The following DUSP16 variants were observed in gnomAD, a reference collection of about 807,000 sequenced individuals.
DUSP16 encodes dual specificity phosphatase 16.
In DUSP16, 21 loss-of-function variants were observed where a neutral mutation model predicts 58.3. The observed-to-expected ratio is 0.36, with a 90% CI of 0.26 to 0.52. The LOEUF (loss-of-function observed/expected upper bound fraction) is 0.52, where lower values mean the gene tolerates loss of function less well. Ranked by LOEUF, DUSP16 falls within the 20% of genes least tolerant of loss-of-function variation. The pLI is 0.94. For synonymous variants in DUSP16, 320 were observed against 323.8 expected, an observed-to-expected ratio of 0.99 and a Z score of 0.12; for missense variants, 726 against 819.0, an observed-to-expected ratio of 0.89 and a Z score of 1.39.
Position 12,500,667 on chromosome 12 carries a change from A to G in DUSP16, c.383T>C (p.Phe128Ser). The change falls in exon 4 of 7, where the codon TTC becomes TCC. Residue 128 changes from phenylalanine to serine, a missense_variant. Transcript: ENST00000298573. ...ACAGAGGCCAGGGAAACAACGAGAG[A>G]ACTCAGCAAACCCACCTAAGAATAA... Reference protein sequence around the residue: ...VHLLAGGFAEFSRCFPGLCEG... With the variant: ...VHLLAGGFAESSRCFPGLCEG... 1 of 1,590,008 alleles carries G rather than the reference A, an allele frequency of 6.3e-7. No homozygotes were observed. Among genetic ancestry groups the G allele is most frequent in the Non-Finnish European group, 8.5e-7 (1 of 1,171,602 alleles).
intron 1 of DUSP16, among the ~76,000 whole-genome samples, chr12:12,526,036 T>C (rs961430249): frequency 2.6e-5 from 4 of 152,196 alleles, no homozygotes; most frequent in Non-Finnish European, 5.9e-5. Flanking sequence ...CTGGTAACCT[T>C]AATCAGGGCT....
intron 4 of DUSP16, among the ~76,000 whole-genome samples, chr12:12,491,838 C>T (rs1854147355): frequency 6.6e-6 from 1 of 152,158 alleles, no homozygotes; most frequent in African/African-American, 2.4e-5. Flanking sequence ...CACTTTCCAG[C>T]TCACTCAAGA....
In DUSP16 at chr12:12,477,208, C is replaced by T. The variant is rs143261305; in HGVS notation, c.1623G>A (p.Ser541=). The change falls in exon 7 of 7, where the codon TCG becomes TCA. Residue 541 remains serine, a synonymous_variant. Coordinates refer to ENST00000298573, the MANE Select transcript of DUSP16 (RefSeq NM_030640.3). The surrounding 1 kb of genome is among the most constrained non-coding windows in gnomAD (Gnocchi z 4.1). ...TAGAGGTCTGGGGGGCCAAGATATC[C>T]GAGTGCCAGCCCTTAAGGCCCAGGC... The part of the protein sequence containing the change: ...SAGLGLKGWH[S]DILAPQTSTP... 1.7e-5 allele frequency: 28 copies of T among 1,614,168 alleles called. No individual in the cohort carries two copies. Among genetic ancestry groups the T allele is most frequent in the African/African-American group, 2.7e-5 (2 of 75,048 alleles).
intron 1 of DUSP16, among the ~76,000 whole-genome samples, chr12:12,541,278 G>A (rs1944556567): frequency 6.6e-6 from 1 of 151,880 alleles, no homozygotes; most frequent in Non-Finnish European, 1.5e-5. Flanking sequence ...TTCTCACTGT[G>A]GCACTGATTT....
rs1293549732 is a variant in DUSP16 at position 12,562,576 on chromosome 12, G to C, written c.-825C>G. On this transcript the variant is annotated 5_prime_UTR_variant, in exon 1 of 7. Transcript: ENST00000298573. ...GGGGGAAAGGCGGGGGGGTGGGGTG[G>C]GGGGTTGGGGGAAAGAGAAAGAGTC... Among the ~76,000 whole-genome samples the C allele has an allele frequency of 6.7e-6, 1 of 149,328 alleles. No individual in the cohort carries two copies. The highest frequency in any genetic ancestry group is 2.4e-5 in the African/African-American group (1 of 40,858).
At chr12:12,478,435 C>T (rs1269049401) in intron 6 of DUSP16, among the ~76,000 whole-genome samples, 1 of 152,028 alleles carries the variant, frequency 6.6e-6, no homozygotes, top group Non-Finnish European at 1.5e-5. Flanking sequence ...TGGGCACGTG[C>T]AGTCCTCCCA....
chr12:12,518,158 CA>C (rs1406515173), intron 3 of DUSP16, among the ~76,000 whole-genome samples: 2 of 152,204 alleles, frequency 1.3e-5, no homozygotes, highest in Non-Finnish European at 2.9e-5. Context: ...AAAAGTAACT[CA>C]AACAAGAACA....
rs1944915961 is a variant in DUSP16 at position 12,562,241 on chromosome 12, G to GCTCC, written c.-494_-491dup. 6.6e-6 allele frequency: 1 copy of GCTCC among 150,664 alleles called. No homozygotes were observed. Among genetic ancestry groups the GCTCC allele is most frequent in the Non-Finnish European group, 1.5e-5 (1 of 67,644 alleles). 9.3% of individuals were successfully genotyped at this position (150,664 alleles called of 1,614,324 possible). On this transcript the variant is annotated 5_prime_UTR_variant, in exon 1 of 7. Transcript: ENST00000298573. ...GCCGCGGAGCCGAGAGGGCGGCTGC[G>GCTCC]CTCCCGCTCGCGTCCCGTCCCGTCG...
At chr12:12,500,927 G>T (rs1018393831) in intron 3 of DUSP16, among the ~76,000 whole-genome samples, 2 of 152,132 alleles carry the variant, frequency 1.3e-5, no homozygotes, top group South Asian at 2.1e-4. Context: ...CTCTCTCTCA[G>T]ATATTCTCTT....
At chr12:12,517,983 A>C (rs1287603163) in intron 3 of DUSP16, among the ~76,000 whole-genome samples, 1 of 152,204 alleles carries the variant, frequency 6.6e-6, no homozygotes, top group Non-Finnish European at 1.5e-5. Context: ...CCAAGGCTAC[A>C]CAGGATAGAT....
At position 12,476,561 on chromosome 12, in the gene DUSP16, A is replaced by G; in HGVS notation, c.*272T>C. The G allele has an allele frequency of 3.2e-6, 1 of 316,084 alleles. No individual in the cohort carries two copies. Among genetic ancestry groups the G allele is most frequent in the Non-Finnish European group, 5.7e-6 (1 of 174,480 alleles). The allele number at this position is 316,084 out of a possible 1,614,324, so 19.6% of individuals were successfully genotyped here. On this transcript the variant is annotated 3_prime_UTR_variant, in exon 7 of 7. Transcript: ENST00000298573. ...CACTTGCTTTTTTAAGAACAAGAGG[A>G]TGTGTAATTCACTGAATAAAATGGT...
At chr12:12,491,173 T>G (rs1384256719) in intron 4 of DUSP16, 1 of 151,692 alleles carries the variant, frequency 6.6e-6, no homozygotes, top group Non-Finnish European at 1.5e-5. Flanking sequence ...ATTTTTTTTT[T>G]TTTTTACAAA....
rs111293542 is a variant in DUSP16, at chr12:12,559,117, CA to C, written c.-366+2999del. On this transcript the variant is annotated intron_variant, in intron 1 of 6. Coordinates refer to ENST00000298573, the MANE Select transcript of DUSP16 (RefSeq NM_030640.3). ...ATCATCAAGGATAATGAAATGCATA[CA>C]AATAACAGATTGTCTACAACACAAG... Among the ~76,000 whole-genome samples the C allele has an allele frequency of 1.9e-3, 294 of 151,968 alleles. 3 individuals are homozygous for C. Among genetic ancestry groups the C allele is most frequent in the African/African-American group, 6.8e-3 (282 of 41,420 alleles).
intron 4 of DUSP16, among the ~76,000 whole-genome samples, chr12:12,498,654 A>G (rs1943867180): frequency 6.6e-6 from 1 of 152,126 alleles, no homozygotes; most frequent in East Asian, 1.9e-4. Context: ...AGCTCAAATG[A>G]TCTGCCCACC....
chr12:12,551,550 T>C (rs561198575), intron 1 of DUSP16, among the ~76,000 whole-genome samples: 4 of 150,972 alleles, frequency 2.6e-5, no homozygotes, highest in Admixed American at 1.3e-4. Flanking sequence ...AAAACTTGAA[T>C]TCGCCACCAA....
In DUSP16 at chr12:12,475,390, G is replaced by GTGAT. The variant is rs992520315; in HGVS notation, c.*1439_*1442dup. On this transcript the variant is annotated 3_prime_UTR_variant, in exon 7 of 7. Transcript: ENST00000298573. ...CAGCTGCCAGGACCGATTCCATACA[G>GTGAT]TGATTGTAGGTTGAGGACTGAGGAC... 2 of 152,202 alleles carry GTGAT rather than the reference G, an allele frequency of 1.3e-5. No homozygotes were observed. The highest frequency in any genetic ancestry group is 4.8e-5 in the African/African-American group (2 of 41,452). 9.4% of individuals were successfully genotyped at this position (152,202 alleles called of 1,614,324 possible).
chr12:12,532,862 C>T (rs58273632), intron 1 of DUSP16, among the ~76,000 whole-genome samples: 7,481 of 151,400 alleles, frequency 0.049, 205 homozygotes, highest in Middle Eastern at 0.071. Flanking sequence ...GCAGCAGAAT[C>T]GCTTGAACCT....
chr12:12,522,523 T>C (rs541740327), intron 1 of DUSP16, among the ~76,000 whole-genome samples: 2 of 152,088 alleles, frequency 1.3e-5, no homozygotes, highest in Non-Finnish European at 2.9e-5. Context: ...CTCTACTACA[T>C]AAAACTACAT....
At chr12:12,553,651 TCCTA>T (rs372166617) in intron 1 of DUSP16, among the ~76,000 whole-genome samples, 11 of 152,190 alleles carry the variant, frequency 7.2e-5, no homozygotes, top group African/African-American at 2.4e-4. Context: ...CAGGTGATCC[TCCTA>T]CCTGAGCCCC....
Sources: allele counts gnomAD v4.1 joint callset (sites outside exome capture counted in the v4.1 genomes callset), GRCh38; gene constraint gnomAD v4.1.1; non-coding constraint Gnocchi (gnomAD v3.1); transcripts MANE v1.5; gene names NCBI Gene and HGNC (gene_info 2026-07-23, HGNC 2026-07-21).